The following FAM107B variants were observed in gnomAD, a reference collection of about 807,000 sequenced individuals.
FAM107B encodes the protein protein FAM107B.
Under a neutral mutation model 31.5 loss-of-function variants are expected in FAM107B, and 21 were observed. The observed-to-expected ratio is 0.67, with a 90% CI of 0.47 to 0.96. FAM107B has a LOEUF of 0.96. Ranked by LOEUF, FAM107B falls within the 40% of genes least tolerant of loss-of-function variation. The pLI is 0.00. For synonymous variants in FAM107B, 157 were observed against 141.5 expected, an observed-to-expected ratio of 1.11 and a Z score of -0.78; for missense variants, 452 against 377.1, an observed-to-expected ratio of 1.20 and a Z score of -1.64.
At chr10:14,726,029 T>A (rs988671966) in intron 1 of FAM107B, among the ~76,000 whole-genome samples, 3 of 151,922 alleles carry the variant, frequency 2.0e-5, no homozygotes, top group Non-Finnish European at 4.4e-5. Flanking sequence ...GTTTTGTTCT[T>A]GTTGCCATGG....
chr10:14,698,661 C>T (rs1588713696), intron 1 of FAM107B, among the ~76,000 whole-genome samples: 1 of 152,312 alleles, frequency 6.6e-6, no homozygotes, highest in South Asian at 2.1e-4. Flanking sequence ...GACTCAGCTC[C>T]AGACCTGCCT....
intron 1 of FAM107B, among the ~76,000 whole-genome samples, chr10:14,720,451 A>G (rs953438191): frequency 1.3e-5 from 2 of 152,058 alleles, no homozygotes; most frequent in Non-Finnish European, 2.9e-5. Flanking sequence ...ACAGGGTTTT[A>G]CCATGTTGGC....
rs541573694 is a variant in FAM107B at position 14,723,940 on chromosome 10, T to C, written c.411+50313A>G. ...GTAGATGCCATCACTTTTCCTTTTA[T>C]AGATGTGCTGTTCCATTTGGAAGTC... On this transcript the variant is annotated intron_variant, in intron 1 of 4. Coordinates refer to ENST00000181796, the MANE Select transcript of FAM107B (RefSeq NM_031453.4). 10 of 750,146 alleles carry C rather than the reference T, an allele frequency of 1.3e-5. No homozygotes were observed. In the Middle Eastern group the frequency reaches 7.2e-4, roughly 54 times the overall value. 46.5% of individuals were successfully genotyped at this position (750,146 alleles called of 1,614,324 possible).
At chr10:14,664,564 C>T (rs1302795835) in intron 2 of FAM107B, among the ~76,000 whole-genome samples, 5 of 152,154 alleles carry the variant, frequency 3.3e-5, no homozygotes, top group Non-Finnish European at 5.9e-5. Flanking sequence ...TAATAACATG[C>T]CATACAGGTT....
At chr10:14,660,637 T>G (rs1356493576) in intron 2 of FAM107B, among the ~76,000 whole-genome samples, 3 of 152,248 alleles carry the variant, frequency 2.0e-5, no homozygotes, top group Non-Finnish European at 4.4e-5. Flanking sequence ...CTAAAATTGT[T>G]CAAATATTCA....
At chr10:14,608,613 C>T (rs1336825163) in intron 2 of FAM107B, among the ~76,000 whole-genome samples, 4 of 152,184 alleles carry the variant, frequency 2.6e-5, no homozygotes. Context: ...TATGGCCTCT[C>T]AGCAGGCTAG....
chr10:14,603,555 A>G (rs1852474896), intron 2 of FAM107B, among the ~76,000 whole-genome samples: 1 of 152,200 alleles, frequency 6.6e-6, no homozygotes, highest in South Asian at 2.1e-4. Context: ...ACCATCCCCT[A>G]CATAACACTA....
chr10:14,695,554 A>G (rs1003970574), intron 1 of FAM107B, among the ~76,000 whole-genome samples: 1 of 152,264 alleles, frequency 6.6e-6, no homozygotes, highest in Admixed American at 6.5e-5. Flanking sequence ...TAGGGATTGC[A>G]CTGAATCTGT....
intron 1 of FAM107B, among the ~76,000 whole-genome samples, chr10:14,673,546 A>G (rs12261983): frequency 0.034 from 5,193 of 152,244 alleles, 286 homozygotes; most frequent in African/African-American, 0.12. Flanking sequence ...GTTGATAGAC[A>G]CTCAGGTTGA....
intron 1 of FAM107B, among the ~76,000 whole-genome samples, chr10:14,710,418 C>A (rs1212133408): frequency 2.0e-5 from 3 of 146,352 alleles, no homozygotes; most frequent in Middle Eastern, 3.4e-3. Flanking sequence ...ATTTTTTTGC[C>A]TGTCTCTAAA....
intron 1 of FAM107B, among the ~76,000 whole-genome samples, chr10:14,691,000 G>A (rs1230896228): frequency 6.6e-6 from 1 of 152,160 alleles, no homozygotes; most frequent in Admixed American, 6.5e-5. Flanking sequence ...TTCCTGGGTT[G>A]TATGACACGG....
At chr10:14,557,836 G>A (rs894408052) in intron 2 of FAM107B, among the ~76,000 whole-genome samples, 2 of 152,214 alleles carry the variant, frequency 1.3e-5, no homozygotes, top group East Asian at 1.9e-4. Context: ...GCCTAGCCAG[G>A]ACCCAGCCAG....
chr10:14,691,294 A>G (rs1293767795), intron 1 of FAM107B, among the ~76,000 whole-genome samples: 1 of 152,206 alleles, frequency 6.6e-6, no homozygotes. Flanking sequence ...GTACTCTCAG[A>G]GTACAGAGGT....
At chr10:14,670,737 A>G (rs1854520244) in intron 1 of FAM107B, among the ~76,000 whole-genome samples, 1 of 152,218 alleles carries the variant, frequency 6.6e-6, no homozygotes, top group Admixed American at 6.5e-5. Flanking sequence ...TTGACTAGTA[A>G]GAGTTGCAAA....
At chr10:14,561,258 A>G (rs1218918554) in intron 2 of FAM107B, among the ~76,000 whole-genome samples, 1 of 152,262 alleles carries the variant, frequency 6.6e-6, no homozygotes, top group Non-Finnish European at 1.5e-5. Context: ...GGGAGCCTGC[A>G]TTCAGGGGCA....
chr10:14,551,679 G>A (rs946016993), intron 2 of FAM107B, among the ~76,000 whole-genome samples: 10 of 123,194 alleles, frequency 8.1e-5, no homozygotes, highest in African/African-American at 2.4e-4. Context: ...CTTACAAAAT[G>A]TATTAGCTCT....
At chr10:14,611,254 T>C (rs77176927) in intron 2 of FAM107B, among the ~76,000 whole-genome samples, 4,485 of 152,234 alleles carry the variant, frequency 0.029, 107 homozygotes, top group Non-Finnish European at 0.046. Flanking sequence ...TCGACACTAA[T>C]GAGTAAACAA....
At chr10:14,666,639 T>C (rs1854410779) in intron 2 of FAM107B, among the ~76,000 whole-genome samples, 1 of 152,152 alleles carries the variant, frequency 6.6e-6, no homozygotes, top group Non-Finnish European at 1.5e-5. Flanking sequence ...GAACGTTTTC[T>C]CTGGGACAGG....
At chr10:14,641,002 A>T (rs994449828) in intron 2 of FAM107B, among the ~76,000 whole-genome samples, 2 of 152,230 alleles carry the variant, frequency 1.3e-5, no homozygotes, top group Non-Finnish European at 2.9e-5. Context: ...GCTTGGACTC[A>T]AAGGATTTAT....
Sources: allele counts gnomAD v4.1 joint callset (sites outside exome capture counted in the v4.1 genomes callset), GRCh38; gene constraint gnomAD v4.1.1; transcripts MANE v1.5; gene names NCBI Gene and HGNC (gene_info 2026-07-23, HGNC 2026-07-21).